ZSWIM6: variants seen among roughly 807,000 people sequenced by gnomAD.
ZSWIM6 encodes the protein zinc finger SWIM-type containing 6.
A neutral mutation model predicts 113.2 loss-of-function variants in ZSWIM6; 9 were observed. That is an observed-to-expected ratio of 0.08 (90% confidence interval 0.05 to 0.14). The LOEUF (loss-of-function observed/expected upper bound fraction) is 0.14. ZSWIM6 is among the 10% of genes least tolerant of loss of function. ZSWIM6 has a pLI of 1.00. For missense variants in ZSWIM6, 1,162 were observed against 1,552.2 expected (o/e 0.75, Z 4.22); for synonymous variants, 611 against 606.5 (o/e 1.01, Z -0.11).
chr5:61,333,010 T>A (rs908336347), intron 1 of ZSWIM6, 62 bp downstream of exon 1: 21 of 417,268 alleles, frequency 5.0e-5, no homozygotes, highest in Non-Finnish European at 5.8e-5. Context: ...GGGGGGGGGG[T>A]GCCCGCCTTT....
chr5:61,380,925 G>A (rs1418235152), intron 1 of ZSWIM6, among the ~76,000 whole-genome samples: 2 of 149,786 alleles, frequency 1.3e-5, no homozygotes, highest in East Asian at 1.9e-4. Flanking sequence ...ATGGCGACAC[G>A]CAGTTTCTAG....
chr5:61,393,313 T>C (rs1745769979), intron 1 of ZSWIM6, among the ~76,000 whole-genome samples: 1 of 152,220 alleles, frequency 6.6e-6, no homozygotes, highest in Admixed American at 6.5e-5. Context: ...CCCAAAGTGC[T>C]GGGACCACAG....
At chr5:61,483,311 T>C (rs1747926915) in intron 2 of ZSWIM6, among the ~76,000 whole-genome samples, 1 of 152,184 alleles carries the variant, frequency 6.6e-6, no homozygotes, top group African/African-American at 2.4e-5. Context: ...AATGGATTAA[T>C]ACATTCACCA....
intron 1 of ZSWIM6, among the ~76,000 whole-genome samples, chr5:61,359,049 A>G (rs1348254294): frequency 6.6e-6 from 1 of 152,200 alleles, no homozygotes; most frequent in African/African-American, 2.4e-5. Context: ...AGCGCAATAC[A>G]TATAACACAC....
At chr5:61,529,423 T>C (rs977823753) in intron 7 of ZSWIM6, among the ~76,000 whole-genome samples, 1 of 152,234 alleles carries the variant, frequency 6.6e-6, no homozygotes, top group East Asian at 1.9e-4. Flanking sequence ...TTCCCCTTTA[T>C]GGCAAAGGTT....
intron 4 of ZSWIM6, among the ~76,000 whole-genome samples, chr5:61,499,212 A>G (rs1159103922): frequency 2.6e-5 from 4 of 152,222 alleles, no homozygotes; most frequent in African/African-American, 9.6e-5. Flanking sequence ...AGCTGGAAGT[A>G]TAGAGCGTAA....
At chr5:61,432,986 G>A (rs1410583116) in intron 1 of ZSWIM6, among the ~76,000 whole-genome samples, 1 of 152,046 alleles carries the variant, frequency 6.6e-6, no homozygotes, top group Non-Finnish European at 1.5e-5. Context: ...TGTTTTGGTG[G>A]GTCGTTAAAT....
intron 1 of ZSWIM6, among the ~76,000 whole-genome samples, chr5:61,344,100 G>A (rs538434010): frequency 8.5e-5 from 13 of 152,182 alleles, no homozygotes; most frequent in African/African-American, 3.1e-4. Flanking sequence ...TCACCATGTT[G>A]GCCAGGCTGG....
intron 1 of ZSWIM6, among the ~76,000 whole-genome samples, chr5:61,405,721 G>T (rs557921995): frequency 6.6e-6 from 1 of 152,346 alleles, no homozygotes; most frequent in Non-Finnish European, 1.5e-5. Flanking sequence ...ATTAGAGACA[G>T]AGTGTCAAGA....
intron 1 of ZSWIM6, among the ~76,000 whole-genome samples, chr5:61,424,092 G>A (rs1418253948): frequency 2.6e-5 from 4 of 152,350 alleles, no homozygotes; most frequent in South Asian, 2.1e-4. Context: ...CAAAGAAGGG[G>A]ACAAAGACTG....
At chr5:61,364,735 A>AT (rs1320845981) in intron 1 of ZSWIM6, among the ~76,000 whole-genome samples, 5 of 152,140 alleles carry the variant, frequency 3.3e-5, no homozygotes, top group Non-Finnish European at 7.4e-5. Context: ...CTGACCTCAC[A>AT]TGATGGGAAG....
At chr5:61,372,964 A>G (rs1175929346) in intron 1 of ZSWIM6, among the ~76,000 whole-genome samples, 1 of 152,168 alleles carries the variant, frequency 6.6e-6, no homozygotes, top group East Asian at 1.9e-4. Context: ...TATAAATTAT[A>G]CAAGTCATAC....
At chr5:61,396,483 A>G (rs1432236654) in intron 1 of ZSWIM6, among the ~76,000 whole-genome samples, 1 of 150,258 alleles carries the variant, frequency 6.7e-6, no homozygotes, top group Non-Finnish European at 1.5e-5. Flanking sequence ...GTGAGCCGAC[A>G]TCGCGCCACT....
At chr5:61,442,494 C>T (rs1329249364) in intron 1 of ZSWIM6, among the ~76,000 whole-genome samples, 1 of 152,158 alleles carries the variant, frequency 6.6e-6, no homozygotes, top group East Asian at 1.9e-4. Flanking sequence ...CACAATCTTT[C>T]TCTCTCTAGT....
At chr5:61,488,945 C>G (rs1364890195) in intron 2 of ZSWIM6, among the ~76,000 whole-genome samples, 1 of 151,896 alleles carries the variant, frequency 6.6e-6, no homozygotes, top group Non-Finnish European at 1.5e-5. Flanking sequence ...TTTCTTTCTT[C>G]CACTTTGGAT....
rs181473692 is a variant in ZSWIM6, at chr5:61,341,295, A to G, written c.676+8347A>G. On this transcript the variant is annotated intron_variant, in intron 1 of 13. Coordinates refer to ENST00000252744, the MANE Select transcript of ZSWIM6 (RefSeq NM_020928.2). ...GCCTTTCTCCCTGAGCTGCTGGGACAGGCTCTGGCCACCTGCTACCTTGAA... is the reference window on the plus strand; with the variant it reads ...GCCTTTCTCCCTGAGCTGCTGGGACGGGCTCTGGCCACCTGCTACCTTGAA... Among the ~76,000 whole-genome samples, 89 of 152,344 alleles carry G rather than the reference A, an allele frequency of 5.8e-4. 1 individual carries two copies. The East Asian group carries it at 0.017, about 28-fold the overall frequency.
intron 1 of ZSWIM6, among the ~76,000 whole-genome samples, chr5:61,410,891 G>A (rs1746138190): frequency 2.0e-5 from 3 of 152,184 alleles, no homozygotes; most frequent in South Asian, 2.1e-4. Context: ...ATCTCATCGT[G>A]TCTTAGTTTC....
intron 4 of ZSWIM6, among the ~76,000 whole-genome samples, chr5:61,507,098 C>T (rs1268739921): frequency 6.6e-6 from 1 of 152,172 alleles, no homozygotes; most frequent in East Asian, 1.9e-4. Context: ...CCACCGGCTT[C>T]TCCCCAGTCC....
intron 1 of ZSWIM6, among the ~76,000 whole-genome samples, chr5:61,422,718 TTG>T (rs1746379866): frequency 1.3e-5 from 2 of 152,330 alleles, no homozygotes; most frequent in South Asian, 4.1e-4. Flanking sequence ...ATTTCCATTT[TTG>T]TGTGTGTCTT....
Sources: allele counts gnomAD v4.1 joint callset (sites outside exome capture counted in the v4.1 genomes callset), GRCh38; gene constraint gnomAD v4.1.1; transcripts MANE v1.5; gene names NCBI Gene and HGNC (gene_info 2026-07-23, HGNC 2026-07-21).